The following PTPRE variants were observed in gnomAD, a reference collection of about 807,000 sequenced individuals.
The protein encoded by PTPRE is protein tyrosine phosphatase receptor type E.
In PTPRE, 51 loss-of-function variants were observed where a neutral mutation model predicts 102.0. The observed-to-expected ratio is 0.50, with a 90% CI of 0.40 to 0.63. The LOEUF is 0.63. Among genes scored for constraint, PTPRE ranks in the 30% least tolerant of loss-of-function variants. The pLI is 0.00. For missense variants in PTPRE, 752 were observed against 915.1 expected, an observed-to-expected ratio of 0.82 and a Z score of 2.30; for synonymous variants, 345 against 348.2, an observed-to-expected ratio of 0.99 and a Z score of 0.10.
intron 2 of PTPRE, among the ~76,000 whole-genome samples, chr10:128,011,290 T>C (rs1033749971): frequency 1.3e-5 from 2 of 152,228 alleles, no homozygotes; most frequent in Non-Finnish European, 2.9e-5. Flanking sequence ...TAGTTCCTAA[T>C]TAATCACTGT....
rs1435931606 is a variant in PTPRE at position 128,028,285 on chromosome 10, T to C, written c.-7-12590T>C. Among the ~76,000 whole-genome samples, 2 of 152,108 alleles carry C rather than the reference T, an allele frequency of 1.3e-5. No homozygotes were observed. Among genetic ancestry groups the C allele is most frequent in the Non-Finnish European group, 2.9e-5 (2 of 68,006 alleles). On this transcript the variant is annotated intron_variant, in intron 2 of 20. Coordinates refer to ENST00000254667, the MANE Select transcript of PTPRE (RefSeq NM_006504.6). The surrounding 1 kb of genome is among the most constrained non-coding windows in gnomAD (Gnocchi z 4.5). ...CCTGCGCCTGTCTCCTCCCCAGTCC[T>C]TTCTGCGACCTCAGGTGGCCTCACT...
intron 6 of PTPRE, 60 bp downstream of exon 6, chr10:128,049,726 G>A (rs1248716140): frequency 1.0e-5 from 16 of 1,606,030 alleles, no homozygotes; most frequent in African/African-American, 1.3e-5. Flanking sequence ...GAAATCCAGT[G>A]TTAGAGTTCA....
intron 2 of PTPRE, chr10:127,999,783 C>T (rs1367277706): frequency 5.1e-6 from 5 of 985,384 alleles, no homozygotes; most frequent in Non-Finnish European, 6.0e-6. Context: ...GTGTGAGTGC[C>T]GGCAGCCGCG....
At position 127,995,238 on chromosome 10, in the gene PTPRE, G is replaced by A. The variant is rs189241813; in HGVS notation, c.-8+12942G>A. On this transcript the variant is annotated intron_variant, in intron 2 of 20. Coordinates refer to ENST00000254667, the MANE Select transcript of PTPRE (RefSeq NM_006504.6). ...TTGTTCTCAGAGAGGAGAACCCAAAGTGTGTCTCCCAGTGAGTTCTGAGGA... is the reference window on the plus strand; with the variant it reads ...TTGTTCTCAGAGAGGAGAACCCAAAATGTGTCTCCCAGTGAGTTCTGAGGA... 1.2e-4 allele frequency among the ~76,000 whole-genome samples: 19 copies of A among 152,294 alleles called. No homozygotes were observed. The East Asian group carries it at 2.1e-3, about 17-fold the overall frequency.
chr10:127,987,102 C>T (rs1175310578), intron 2 of PTPRE, among the ~76,000 whole-genome samples: 1 of 152,152 alleles, frequency 6.6e-6, no homozygotes, highest in Non-Finnish European at 1.5e-5. Context: ...TTTCCATTTC[C>T]AGTCCTCCCT....
chr10:127,917,315 G>A (rs1173359873), intron 1 of PTPRE, among the ~76,000 whole-genome samples: 2 of 152,020 alleles, frequency 1.3e-5, no homozygotes, highest in Non-Finnish European at 2.9e-5. Flanking sequence ...GAAGCGAAGA[G>A]AGTTTTTCAG....
rs576867659 is a variant in PTPRE at position 128,079,957 on chromosome 10, C to G, written c.2028+262C>G. On this transcript the variant is annotated intron_variant, in intron 20 of 20. Coordinates refer to ENST00000254667, the MANE Select transcript of PTPRE (RefSeq NM_006504.6). ...CAATGTCTGAGACCACTCGGAGAGACGCACTGAGGATAGGAGCTTTTGTGT... is the reference window on the plus strand; with the variant it reads ...CAATGTCTGAGACCACTCGGAGAGAGGCACTGAGGATAGGAGCTTTTGTGT... 2.0e-4 allele frequency among the ~76,000 whole-genome samples: 31 copies of G among 152,254 alleles called. 1 individual carries two copies. The highest frequency in any genetic ancestry group is 6.7e-4 in the African/African-American group (28 of 41,544).
At chr10:128,043,540 G>A (rs894463513) in intron 3 of PTPRE, among the ~76,000 whole-genome samples, 51 of 152,240 alleles carry the variant, frequency 3.3e-4, no homozygotes, top group Non-Finnish European at 6.0e-4. Context: ...GTGTCCTGGG[G>A]GAGTTAGAGA....
intron 2 of PTPRE, among the ~76,000 whole-genome samples, chr10:127,989,985 A>C (rs1467638249): frequency 6.6e-6 from 1 of 152,236 alleles, no homozygotes; most frequent in African/African-American, 2.4e-5. Flanking sequence ...TAATTGTGCA[A>C]GATATTGAAA....
At chr10:128,056,305 G>A in intron 7 of PTPRE, 92 bp downstream of exon 7, 1 of 1,031,214 alleles carries the variant, frequency 9.7e-7, no homozygotes, top group Non-Finnish European at 1.5e-6. Context: ...GGCCATTCCT[G>A]GTGCTCAGAG....
chr10:127,973,090 T>A (rs1456076028), intron 1 of PTPRE, among the ~76,000 whole-genome samples: 2 of 152,250 alleles, frequency 1.3e-5, no homozygotes, highest in Non-Finnish European at 2.9e-5. Flanking sequence ...TTTGTTGCAG[T>A]ATATTGTTCC....
chr10:128,057,426 G>A (rs1195964323), intron 7 of PTPRE, among the ~76,000 whole-genome samples: 1 of 152,142 alleles, frequency 6.6e-6, no homozygotes, highest in Non-Finnish European at 1.5e-5. Context: ...CAGGGCCTTG[G>A]TGGGATGGAG....
chr10:127,915,236 C>T (rs988886882), intron 1 of PTPRE, among the ~76,000 whole-genome samples: 1 of 152,216 alleles, frequency 6.6e-6, no homozygotes, highest in African/African-American at 2.4e-5. Flanking sequence ...CTGTTTCCAG[C>T]CACATTATTT....
chr10:127,917,119 T>C (rs1846263924), intron 1 of PTPRE, among the ~76,000 whole-genome samples: 1 of 151,344 alleles, frequency 6.6e-6, no homozygotes, highest in African/African-American at 2.4e-5. Context: ...GGTGAGAGGA[T>C]GAGAGTGAGA....
chr10:128,067,177 C>T (rs753651767), intron 11 of PTPRE, among the ~76,000 whole-genome samples: 2 of 142,888 alleles, frequency 1.4e-5, no homozygotes, highest in Non-Finnish European at 3.1e-5. Flanking sequence ...CACACATGCA[C>T]ACATTCACAC....
rs554727762 is a variant in PTPRE, at chr10:127,995,249, A to T, written c.-8+12953A>T. 1.4e-3 allele frequency among the ~76,000 whole-genome samples: 207 copies of T among 152,268 alleles called. 1 individual carries two copies. The highest frequency in any genetic ancestry group is 3.5e-3 in the Admixed American group (54 of 15,296). ...GAGGAGAACCCAAAGTGTGTCTCCCAGTGAGTTCTGAGGATGAGGGAATTA... is the reference window on the plus strand; with the variant it reads ...GAGGAGAACCCAAAGTGTGTCTCCCTGTGAGTTCTGAGGATGAGGGAATTA... On this transcript the variant is annotated intron_variant, in intron 2 of 20. Transcript: ENST00000254667.
At chr10:127,923,941 A>T (rs116181643) in intron 1 of PTPRE, among the ~76,000 whole-genome samples, 1,613 of 152,180 alleles carry the variant, frequency 0.011, 23 homozygotes, top group African/African-American at 0.036. Flanking sequence ...TTAGGGAGTG[A>T]TGTTCCCACA....
intron 3 of PTPRE, among the ~76,000 whole-genome samples, chr10:128,046,913 A>G (rs1413946320): frequency 1.3e-5 from 2 of 152,202 alleles, no homozygotes; most frequent in East Asian, 3.9e-4. Flanking sequence ...GTGGGGTCAC[A>G]GTGCGCCAGG....
At chr10:128,034,970 T>C (rs1235099747) in intron 2 of PTPRE, among the ~76,000 whole-genome samples, 2 of 152,220 alleles carry the variant, frequency 1.3e-5, no homozygotes, top group Non-Finnish European at 2.9e-5. Flanking sequence ...AAAGGTTTTT[T>C]TCTTTTATTT....
Sources: gnomAD v4.1 joint callset for allele counts (sites outside exome capture counted in the v4.1 genomes callset) on GRCh38, gnomAD v4.1.1 for gene constraint, Gnocchi (gnomAD v3.1) non-coding constraint, MANE v1.5 for transcripts, NCBI Gene and HGNC (gene_info 2026-07-23, HGNC 2026-07-21) for gene names.